Variants in STPG1 observed in about 807,000 individuals in gnomAD.
The protein encoded by STPG1 is O(6)-methylguanine-induced apoptosis 2.
Under a neutral mutation model 40.1 loss-of-function variants are expected in STPG1, and 33 were observed. The ratio of observed to expected loss-of-function variants is 0.82; its 90% CI spans 0.62 to 1.10. The LOEUF (loss-of-function observed/expected upper bound fraction) is 1.10. Ranked by LOEUF, STPG1 falls within the 50% of genes least tolerant of loss-of-function variation. STPG1 has a pLI of 0.00. For missense variants in STPG1, 396 were observed against 415.1 expected (o/e 0.95, Z 0.40); for synonymous variants, 150 against 155.0 (o/e 0.97, Z 0.24).
intron 3 of STPG1, among the ~76,000 whole-genome samples, chr1:24,387,655 G>A (rs1174848324): frequency 6.6e-6 from 1 of 152,158 alleles, no homozygotes; most frequent in Non-Finnish European, 1.5e-5. Flanking sequence ...AGCTCATGGG[G>A]TTATTATGGG....
intron 3 of STPG1, among the ~76,000 whole-genome samples, chr1:24,390,885 G>A (rs1310666587): frequency 6.8e-5 from 5 of 73,620 alleles, no homozygotes; most frequent in Non-Finnish European, 1.2e-4. Flanking sequence ...ATGCAGCCTC[G>A]ACCTCCTCGG....
chr1:24,357,978 C>T lies in STPG1; in HGVS notation c.*565G>A, dbSNP rs143689091. 1.4e-3 allele frequency: 484 copies of T among 350,434 alleles called. 2 individuals carry two copies. The highest frequency in any genetic ancestry group is 9.3e-3 in the African/African-American group (436 of 46,742). 21.7% of individuals were successfully genotyped at this position (350,434 alleles called of 1,614,324 possible). A position where few individuals can be genotyped will look rare whatever the true frequency, so the allele number is the denominator to read the frequency against. ...AGAGGTCTTTCCAAACAGGTGGTCACTTTAGAAAGGAAGCTGTGGACTGGT... is the reference window on the plus strand; with the variant it reads ...AGAGGTCTTTCCAAACAGGTGGTCATTTTAGAAAGGAAGCTGTGGACTGGT... On this transcript the variant is annotated 3_prime_UTR_variant, in exon 9 of 9. Transcript: ENST00000337248.
chr1:24,397,764 T>A (rs1643066283), intron 2 of STPG1, among the ~76,000 whole-genome samples: 1 of 152,122 alleles, frequency 6.6e-6, no homozygotes. Flanking sequence ...GATTCATCTC[T>A]GTTGCTGATA....
At chr1:24,373,388 G>A (rs1405239078) in intron 6 of STPG1, among the ~76,000 whole-genome samples, 1 of 152,166 alleles carries the variant, frequency 6.6e-6, no homozygotes, top group Non-Finnish European at 1.5e-5. Context: ...GGCAGCTGGG[G>A]TATACGAATG....
chr1:24,395,239 CTT>C (rs796199020), intron 2 of STPG1, among the ~76,000 whole-genome samples: 42 of 151,450 alleles, frequency 2.8e-4, no homozygotes, highest in African/African-American at 9.9e-4. Context: ...AGAATAAAAA[CTT>C]TTAAAACTAT....
At chr1:24,405,261 T>C (rs1483623191) in intron 1 of STPG1, among the ~76,000 whole-genome samples, 8 of 152,360 alleles carry the variant, frequency 5.3e-5, no homozygotes, top group South Asian at 2.1e-4. Context: ...CCCAGCGCCT[T>C]CTTCTTTCTT....
chr1:24,369,983 C>A (rs1242556523), intron 6 of STPG1, 144 bp from the exon 7 acceptor site: 1 of 579,060 alleles, frequency 1.7e-6, no homozygotes, highest in Non-Finnish European at 2.9e-6. Flanking sequence ...CTGAGATAGC[C>A]AAAAACAATC....
intron 7 of STPG1, among the ~76,000 whole-genome samples, chr1:24,362,751 G>A (rs1226942254): frequency 2.6e-5 from 4 of 152,188 alleles, no homozygotes; most frequent in East Asian, 1.9e-4. Context: ...CCTGGTCAGA[G>A]AGGACACTGA....
At chr1:24,390,323 C>G (rs1363763830) in intron 3 of STPG1, among the ~76,000 whole-genome samples, 2 of 152,100 alleles carry the variant, frequency 1.3e-5, no homozygotes, top group Non-Finnish European at 2.9e-5. Context: ...TCAGGAACCA[C>G]GCAGAACTTT....
At chr1:24,391,824 G>A (rs1252724923) in intron 2 of STPG1, 145 bp from the exon 3 acceptor site, 13 of 1,221,172 alleles carry the variant, frequency 1.1e-5, no homozygotes, top group East Asian at 6.5e-5. Flanking sequence ...ACACGAAACC[G>A]GATTAAAAAA....
At chr1:24,390,894 G>A (rs74829643) in intron 3 of STPG1, among the ~76,000 whole-genome samples, 2 of 15,812 alleles carry the variant, frequency 1.3e-4, no homozygotes, top group Non-Finnish European at 2.0e-4. Context: ...CGACCTCCTC[G>A]GTTCAGGTGA....
intron 3 of STPG1, 126 bp downstream of exon 3, chr1:24,391,435 G>A (rs886291666): frequency 1.9e-5 from 11 of 566,248 alleles, no homozygotes; most frequent in East Asian, 9.3e-5. Flanking sequence ...AGCTGGTGCC[G>A]CGGCTCCTGG....
rs545269690 is a variant in STPG1 at position 24,408,202 on chromosome 1, T to C, written c.-69+5472A>G. On this transcript the variant is annotated intron_variant, in intron 1 of 8. Coordinates refer to ENST00000337248, the MANE Select transcript of STPG1 (RefSeq NM_001199013.2). ...AGAGCAGCTTTTATTCTGGGAATAA[T>C]TTATCCCCACTACTAAGGCATGACA... Among the ~76,000 whole-genome samples, 9 of 152,342 alleles carry C rather than the reference T, an allele frequency of 5.9e-5. No individual in the cohort carries two copies. In the South Asian group the frequency reaches 1.9e-3, roughly 32 times the overall value.
intron 2 of STPG1, among the ~76,000 whole-genome samples, chr1:24,392,598 C>T (rs1423083702): frequency 1.3e-5 from 2 of 152,194 alleles, no homozygotes; most frequent in Non-Finnish European, 2.9e-5. Context: ...AGCCAGGCTC[C>T]TTTCCCTGCT....
chr1:24,383,961 A>T lies in STPG1; in HGVS notation c.232T>A (p.Ser78Thr). 1.3e-5 allele frequency: 21 copies of T among 1,614,082 alleles called. No homozygotes were observed. Among genetic ancestry groups the T allele is most frequent in the Non-Finnish European group, 1.7e-5 (20 of 1,179,898 alleles). ...GPGFYNVIHQ[S>T]PVSNSVSLSK... ...AATGAGACACTGTTGGACACCGGTG[A>T]CTGGTGAATAACATTGTAGAACCCA... Residue 78 changes from serine (S) to threonine (T), a missense_variant, in exon 4 of 9, where the codon TCA (serine) becomes ACA (threonine). Transcript: ENST00000337248.
At chr1:24,385,162 C>G (rs1349362319) in intron 3 of STPG1, among the ~76,000 whole-genome samples, 1 of 152,200 alleles carries the variant, frequency 6.6e-6, no homozygotes, top group Non-Finnish European at 1.5e-5. Context: ...CCATCAGTGC[C>G]TTCCAGGACT....
chr1:24,391,337 C>A, intron 3 of STPG1: 1 of 354,834 alleles, frequency 2.8e-6, no homozygotes, highest in Non-Finnish European at 5.0e-6. Flanking sequence ...ATTTTTGGCG[C>A]CATAAATCCA....
chr1:24,388,308 G>A (rs1196578768), intron 3 of STPG1, among the ~76,000 whole-genome samples: 1 of 152,200 alleles, frequency 6.6e-6, no homozygotes, highest in Non-Finnish European at 1.5e-5. Flanking sequence ...GGTAGAAAAT[G>A]GCCGGCAGGC....
At chr1:24,392,171 TA>T (rs776471651) in intron 2 of STPG1, 2 of 694,908 alleles carry the variant, frequency 2.9e-6, no homozygotes, top group Non-Finnish European at 3.5e-6. Context: ...AAGACAGGTG[TA>T]AGTTTTCGTT....
Sources: allele counts gnomAD v4.1 joint callset (sites outside exome capture counted in the v4.1 genomes callset), GRCh38; gene constraint gnomAD v4.1.1; transcripts MANE v1.5; gene names NCBI Gene and HGNC (gene_info 2026-07-23, HGNC 2026-07-21).